The following TFEB variants were observed in gnomAD, a reference collection of about 807,000 sequenced individuals.
TFEB encodes T-cell transcription factor EB.
In TFEB, 12 loss-of-function variants were observed where a neutral mutation model predicts 48.0. The ratio of observed to expected loss-of-function variants is 0.25; its 90% CI spans 0.16 to 0.40. The LOEUF (loss-of-function observed/expected upper bound fraction) is 0.40. Ranked by LOEUF, TFEB falls within the 10% of genes least tolerant of loss-of-function variation. The pLI is 1.00. For synonymous variants in TFEB, 244 were observed against 261.4 expected (o/e 0.93, Z 0.64); for missense variants, 509 against 640.3 (o/e 0.79, Z 2.21).
intron 1 of TFEB, among the ~76,000 whole-genome samples, chr6:41,700,356 C>T (rs1052726719): frequency 8.6e-5 from 13 of 151,596 alleles, no homozygotes; most frequent in Admixed American, 3.3e-4. Flanking sequence ...GTCCCAGCTA[C>T]TCAAGAGGCT....
intron 1 of TFEB, chr6:41,733,212 A>AGC (rs1425433444): frequency 4.1e-6 from 1 of 246,638 alleles, no homozygotes; most frequent in African/African-American, 2.3e-5. Context: ...GGCCTGTGAC[A>AGC]GCGCACGTGG....
At chr6:41,705,997 G>C (rs1307446260) in intron 1 of TFEB, 1 of 152,348 alleles carries the variant, frequency 6.6e-6, no homozygotes, top group South Asian at 2.1e-4. Flanking sequence ...GCGGGGGAGA[G>C]TGGGTGCCAG....
chr6:41,731,241 A>G (rs547039233), intron 1 of TFEB, among the ~76,000 whole-genome samples: 1 of 152,010 alleles, frequency 6.6e-6, no homozygotes, highest in South Asian at 2.1e-4. Flanking sequence ...GGGGTTAAGC[A>G]GCTTGCCGAG....
intron 1 of TFEB, among the ~76,000 whole-genome samples, chr6:41,702,934 C>T (rs1214074162): frequency 1.3e-5 from 2 of 152,210 alleles, no homozygotes; most frequent in African/African-American, 2.4e-5. Context: ...GGCTCCCTGC[C>T]GCCTGCCTGG....
chr6:41,717,676 A>C (rs11963845), intron 1 of TFEB, among the ~76,000 whole-genome samples: 6,963 of 152,194 alleles, frequency 0.046, 517 homozygotes, highest in African/African-American at 0.16. Context: ...TGCTGGGAGC[A>C]AGCAGGAGGG....
In TFEB at chr6:41,734,726, G is replaced by A. The variant is rs2127283152; in HGVS notation, c.-23+624C>T. ...ACTGCCCAGGGACTCGAGGGGACGG[G>A]GCCAGGGGCGGCTTCTTCAAGAGAC... On this transcript the variant is annotated intron_variant, in intron 1 of 8. Transcript: ENST00000373033. The surrounding 1 kb of genome is among the most constrained non-coding windows in gnomAD (Gnocchi z 4.0). Among the ~76,000 whole-genome samples the A allele has an allele frequency of 6.6e-6, 1 of 152,132 alleles. No individual in the cohort carries two copies. Among genetic ancestry groups the A allele is most frequent in the African/African-American group, 2.4e-5 (1 of 41,508 alleles).
In TFEB at chr6:41,687,080, A is replaced by C; in HGVS notation, c.803+14T>G. 1.2e-6 allele frequency: 2 copies of C among 1,613,854 alleles called. No individual in the cohort carries two copies. Among genetic ancestry groups the C allele is most frequent in the Non-Finnish European group, 1.7e-6 (2 of 1,179,744 alleles). On this transcript the variant is annotated intron_variant, in intron 7 of 8. Coordinates refer to ENST00000373033, the MANE Select transcript of TFEB (RefSeq NM_001271944.2). ...ACCCAGACCCATCACCCTCCCCCTC[A>C]GAAACCTGCTCACAGGTCATTGGCC...
At chr6:41,686,495 C>G (rs556389847) in intron 7 of TFEB, 28 of 354,064 alleles carry the variant, frequency 7.9e-5, no homozygotes, top group African/African-American at 5.3e-4. Context: ...AGACTCCAGC[C>G]CAGCCTACCT....
Position 41,687,245 on chromosome 6 carries a change from C to G in TFEB, c.728-76G>C. The G allele has an allele frequency of 2.1e-6, 3 of 1,453,582 alleles. No homozygotes were observed. In the East Asian group the frequency reaches 6.8e-5, roughly 33 times the overall value. 90.0% of individuals were successfully genotyped at this position (1,453,582 alleles called of 1,614,324 possible). ...ACCCCATGGGGAGAAGTACCCAGCC[C>G]AGGGAGGGGTGCTTCAGGGCAGCCT... is the stretch of plus-strand genomic sequence containing the variant. On this transcript the variant is annotated intron_variant, in intron 6 of 8. Transcript: ENST00000373033.
At chr6:41,698,168 C>T (rs573386185) in intron 1 of TFEB, among the ~76,000 whole-genome samples, 10 of 152,236 alleles carry the variant, frequency 6.6e-5, no homozygotes, top group African/African-American at 2.4e-4. Context: ...CCATTATTGT[C>T]CCCATTCAAG....
Position 41,723,610 on chromosome 6 carries a change from C to A in TFEB, c.-23+11740G>T. The stretch of plus-strand genomic sequence containing the variant: ...GTTTCTCACCCAGCCCCCTGCACCT[C>A]AGCTGGAGAGGAAGTTGCACAATCC... On this transcript the variant is annotated intron_variant, in intron 1 of 8. Transcript: ENST00000373033. The surrounding 1 kb of genome is among the most constrained non-coding windows in gnomAD (Gnocchi z 6.0). 1 of 1,150,478 alleles carries A rather than the reference C, an allele frequency of 8.7e-7. No homozygotes were observed. The allele number at this position is 1,150,478 out of a possible 1,614,324, so 71.3% of individuals were successfully genotyped here. A position where few individuals can be genotyped will look rare whatever the true frequency, so the allele number is the denominator to read the frequency against.
At chr6:41,688,558 A>G (rs1663544279) in intron 4 of TFEB, among the ~76,000 whole-genome samples, 1 of 152,070 alleles carries the variant, frequency 6.6e-6, no homozygotes, top group Admixed American at 6.5e-5. Flanking sequence ...AGATACTGGA[A>G]TTTTGGAATG....
intron 2 of TFEB, 23 bp downstream of exon 2, chr6:41,690,978 G>A (rs760375183): frequency 2.7e-5 from 43 of 1,567,712 alleles, no homozygotes; most frequent in Non-Finnish European, 3.4e-5. Context: ...ACAGGGTGGG[G>A]GGCAGGCCAG....
chr6:41,732,570 G>A (rs559221781), intron 1 of TFEB: 1 of 985,698 alleles, frequency 1.0e-6, no homozygotes, highest in African/African-American at 1.7e-5. Flanking sequence ...CACATTCCTA[G>A]ACACTTTAAC....
intron 1 of TFEB, among the ~76,000 whole-genome samples, chr6:41,722,566 C>G (rs986988837): frequency 2.0e-5 from 3 of 152,248 alleles, no homozygotes; most frequent in African/African-American, 4.8e-5. Context: ...ACTCTAGCCC[C>G]TGGGCCTACA....
intron 1 of TFEB, among the ~76,000 whole-genome samples, chr6:41,725,870 AGG>A (rs1771183884): frequency 1.3e-5 from 2 of 152,268 alleles, no homozygotes. Flanking sequence ...GATAAGGCTA[AGG>A]AGCAACAGGA....
chr6:41,732,907 G>C (rs1771513223), intron 1 of TFEB: 2 of 985,434 alleles, frequency 2.0e-6, no homozygotes, highest in African/African-American at 3.5e-5. Flanking sequence ...CCATCCCCAG[G>C]ACAAAGGCCC....
intron 1 of TFEB, among the ~76,000 whole-genome samples, chr6:41,703,074 C>T (rs1387915975): frequency 6.6e-6 from 1 of 152,218 alleles, no homozygotes; most frequent in African/African-American, 2.4e-5. Context: ...CATTGGGGAG[C>T]TCCCTCTCCA....
chr6:41,717,129 C>T (rs1770771474), intron 1 of TFEB, among the ~76,000 whole-genome samples: 1 of 152,152 alleles, frequency 6.6e-6, no homozygotes, highest in East Asian at 1.9e-4. Flanking sequence ...AAAATAGGGC[C>T]CCCCAGCTCG....
Sources: allele counts gnomAD v4.1 joint callset (sites outside exome capture counted in the v4.1 genomes callset), GRCh38; gene constraint gnomAD v4.1.1; non-coding constraint Gnocchi (gnomAD v3.1); transcripts MANE v1.5; gene names NCBI Gene and HGNC (gene_info 2026-07-23, HGNC 2026-07-21).